The following ZNF616 variants were observed in gnomAD, a reference collection of about 807,000 sequenced individuals.
The protein encoded by ZNF616 is zinc finger protein 616.
A neutral mutation model predicts 7.6 loss-of-function variants in ZNF616; 5 were observed. That is an observed-to-expected ratio of 0.66 (90% CI 0.34 to 1.38). The LOEUF (loss-of-function observed/expected upper bound fraction) is 1.38, where lower values mean the gene tolerates loss of function less well. ZNF616 is among the 40% of genes most tolerant of loss of function. The pLI is 0.04. For synonymous variants in ZNF616, 319 were observed against 317.2 expected (o/e 1.01, Z -0.06); for missense variants, 913 against 948.3 (o/e 0.96, Z 0.49).
intron 3 of ZNF616, among the ~76,000 whole-genome samples, chr19:52,120,706 TACAAGAG>T (rs2088858733): frequency 6.6e-6 from 1 of 152,314 alleles, no homozygotes; most frequent in South Asian, 2.1e-4. Context: ...TCAAAACTGG[TACAAGAG>T]ACAAAGAAGA....
rs2088822420 is a variant in ZNF616 at position 52,116,275 on chromosome 19, A to G, written c.889T>C (p.Tyr297His). 1.9e-6 allele frequency: 3 copies of G among 1,614,158 alleles called. No homozygotes were observed. The highest frequency in any genetic ancestry group is 2.5e-6 in the Non-Finnish European group (3 of 1,180,028). ...HQRIHTGEKP[Y>H]KCNLCGKSFS... Reference sequence around the variant, plus strand: ...GATTTCCCACACAGATTACATTTGTAAGGTTTTTCACCGGTATGAATTCTC... The same window carrying G: ...GATTTCCCACACAGATTACATTTGTGAGGTTTTTCACCGGTATGAATTCTC... The change falls in exon 4 of 4, where the codon TAC (tyrosine) becomes CAC (histidine). Residue 297 changes from tyrosine (Y) to histidine (H), a missense_variant. By Grantham distance (83) the Tyr-to-His change is moderately conservative (BLOSUM62 2). Coordinates refer to ENST00000600228, the MANE Select transcript of ZNF616 (RefSeq NM_178523.5).
chr19:52,119,538 C>T (rs976648850), intron 3 of ZNF616, among the ~76,000 whole-genome samples: 3 of 151,944 alleles, frequency 2.0e-5, no homozygotes, highest in African/African-American at 7.3e-5. Context: ...GAACAAAGTA[C>T]TATTTTAGGA....
chr19:52,116,514 T>G lies in ZNF616; in HGVS notation c.650A>C (p.Glu217Ala), dbSNP rs780167140. ...GGCCCGATGAAAGGCTTTGCCACAC[T>G]CATTGCATTTGTAAGGTTTCTCTGT... ...HTTEKPYKCN[E>A]CGKAFHRASL... The change falls in exon 4 of 4, where the codon GAG becomes GCG. Residue 217 changes from glutamate to alanine, a missense_variant. Glu to Ala is a moderately radical substitution (Grantham distance 107, BLOSUM62 -1). Coordinates refer to ENST00000600228, the MANE Select transcript of ZNF616 (RefSeq NM_178523.5). The G allele has an allele frequency of 6.2e-7, 1 of 1,614,144 alleles. No homozygotes were observed. The highest frequency in any genetic ancestry group is 1.1e-5 in the South Asian group (1 of 91,088).
intron 1 of ZNF616, among the ~76,000 whole-genome samples, chr19:52,131,973 G>A (rs562716137): frequency 9.2e-5 from 14 of 152,264 alleles, no homozygotes; most frequent in Admixed American, 7.2e-4. Flanking sequence ...GGAGCAGAGG[G>A]AGTGAGGAGG....
chr19:52,120,961 T>C (rs1020685451), intron 3 of ZNF616, among the ~76,000 whole-genome samples: 2 of 152,184 alleles, frequency 1.3e-5, no homozygotes, highest in Admixed American at 6.5e-5. Context: ...AACCTACATA[T>C]GCACAACGCA....
At chr19:52,121,625 T>C (rs1481270019) in intron 3 of ZNF616, among the ~76,000 whole-genome samples, 3 of 151,996 alleles carry the variant, frequency 2.0e-5, no homozygotes, top group East Asian at 3.9e-4. Flanking sequence ...AGATCTCCAA[T>C]GGAATGGAAT....
At chr19:52,136,791 G>T (rs2089012822) in intron 1 of ZNF616, among the ~76,000 whole-genome samples, 1 of 152,052 alleles carries the variant, frequency 6.6e-6, no homozygotes, top group Non-Finnish European at 1.5e-5. Context: ...GGCCAGGTGT[G>T]GTAGTTCATG....
intron 2 of ZNF616, among the ~76,000 whole-genome samples, chr19:52,126,080 C>G (rs8108125): frequency 0.27 from 41,541 of 152,048 alleles, 9,896 homozygotes; most frequent in African/African-American, 0.64. Context: ...CAAATCTGGG[C>G]AGGCAGCTGA....
chr19:52,117,195 G>A (rs1383080088), intron 3 of ZNF616, among the ~76,000 whole-genome samples, 171 bp from the exon 4 acceptor site: 1 of 152,118 alleles, frequency 6.6e-6, no homozygotes, highest in African/African-American at 2.4e-5. Context: ...GAAGTCTATA[G>A]TAAAGAAAGG....
chr19:52,124,477 C>T (rs368697395), intron 2 of ZNF616, among the ~76,000 whole-genome samples: 11 of 152,214 alleles, frequency 7.2e-5, no homozygotes, highest in African/African-American at 2.2e-4. Flanking sequence ...ACACTCCCCA[C>T]GTGCTGGGCA....
intron 1 of ZNF616, among the ~76,000 whole-genome samples, chr19:52,131,199 C>T (rs539796444): frequency 6.2e-5 from 8 of 129,740 alleles, no homozygotes; most frequent in Non-Finnish European, 9.4e-5. Flanking sequence ...ACCTGGGAGG[C>T]GGAGGTTGCA....
rs2088807806 is a variant in ZNF616 at position 52,115,223 on chromosome 19, A to G, written c.1941T>C (p.His647=). The change falls in exon 4 of 4, where the codon CAT becomes CAC. Residue 647 remains histidine (H), a synonymous_variant. Transcript: ENST00000600228. The stretch of plus-strand genomic sequence containing the variant: ...TATGAACAGTCTGATGAAGTCTAAG[A>G]TGGACACGCTGACTAAAGGAATTCC... ...QCGNSFSQRV[H]LRLHQTVHTG... 5 of 1,614,048 alleles carry G rather than the reference A, an allele frequency of 3.1e-6. No homozygotes were observed. The highest frequency in any genetic ancestry group is 4.2e-6 in the Non-Finnish European group (5 of 1,180,020).
At chr19:52,120,892 G>A (rs1350283656) in intron 3 of ZNF616, among the ~76,000 whole-genome samples, 1 of 152,138 alleles carries the variant, frequency 6.6e-6, no homozygotes, top group Non-Finnish European at 1.5e-5. Flanking sequence ...TTTATAAATA[G>A]GACAGACAGA....
chr19:52,136,143 G>GT (rs2089005114), intron 1 of ZNF616, among the ~76,000 whole-genome samples: 2 of 100,852 alleles, frequency 2.0e-5, no homozygotes, highest in African/African-American at 8.2e-5. Flanking sequence ...AAAAAAAAAA[G>GT]CGGGGGGGGG....
At chr19:52,128,736 C>G (rs935435998) in intron 2 of ZNF616, among the ~76,000 whole-genome samples, 2 of 146,324 alleles carry the variant, frequency 1.4e-5, no homozygotes, top group Admixed American at 6.9e-5. Context: ...GACGAAACTC[C>G]GTCTCAAAAA....
Position 52,114,298 on chromosome 19 carries a change from T to G in ZNF616, c.*520A>C, listed in dbSNP as rs1005499816. 1 of 152,630 alleles carries G rather than the reference T, an allele frequency of 6.6e-6. No individual in the cohort carries two copies. The highest frequency in any genetic ancestry group is 2.1e-4 in the South Asian group (1 of 4,834). 9.5% of individuals were successfully genotyped at this position (152,630 alleles called of 1,614,324 possible). On this transcript the variant is annotated 3_prime_UTR_variant, in exon 4 of 4. Transcript: ENST00000600228. ...GAATATATATACAAATTCTTACACCTAGTGAGTAGTGAATACTAGCTTAAA... is the reference window on the plus strand; with the variant it reads ...GAATATATATACAAATTCTTACACCGAGTGAGTAGTGAATACTAGCTTAAA...
chr19:52,125,316 G>C (rs1377620690), intron 2 of ZNF616, among the ~76,000 whole-genome samples: 1 of 152,186 alleles, frequency 6.6e-6, no homozygotes, highest in South Asian at 2.1e-4. Flanking sequence ...CTCCAGCTGT[G>C]AACGTGTGAA....
Position 52,116,852 on chromosome 19 carries a change from A to C in ZNF616, c.312T>G (p.Gly104=), listed in dbSNP as rs767754833. 6.2e-7 allele frequency: 1 copy of C among 1,613,650 alleles called. No homozygotes were observed. Among genetic ancestry groups the C allele is most frequent in the Non-Finnish European group, 8.5e-7 (1 of 1,179,896 alleles). Residue 104 remains glycine (G), a synonymous_variant, in exon 4 of 4, where the codon GGT becomes GGG. Coordinates refer to ENST00000600228, the MANE Select transcript of ZNF616 (RefSeq NM_178523.5). The part of the protein sequence containing the change: ...LHDLEFQWKD[G]ETNDKEVPVP... ...CTGGCACTTCTTTATCATTTGTTTC[A>C]CCATCTTTCCATTGAAATTCAAGGT...
rs1398092519 is a variant in ZNF616 at position 52,116,875 on chromosome 19, G to A, written c.289C>T (p.Leu97Phe). The A allele has an allele frequency of 6.2e-7, 1 of 1,613,728 alleles. No homozygotes were observed. Among genetic ancestry groups the A allele is most frequent in the Non-Finnish European group, 8.5e-7 (1 of 1,179,896 alleles). ...TCACCATCTTTCCATTGAAATTCAA[G>A]GTCATGTAGATGTTTCTGTATTTCC... ...FREIQKHLHD[L>F]EFQWKDGETN... Residue 97 changes from leucine to phenylalanine, a missense_variant, in exon 4 of 4, where the codon CTT (leucine) becomes TTT (phenylalanine). Leu to Phe is a conservative substitution (Grantham distance 22). Coordinates refer to ENST00000600228, the MANE Select transcript of ZNF616 (RefSeq NM_178523.5).
Sources: allele counts gnomAD v4.1 joint callset (sites outside exome capture counted in the v4.1 genomes callset), GRCh38; gene constraint gnomAD v4.1.1; transcripts MANE v1.5; gene names NCBI Gene and HGNC (gene_info 2026-07-23, HGNC 2026-07-21).